The following ZEB1 variants were observed in gnomAD, a reference collection of about 807,000 sequenced individuals.
ZEB1 encodes zinc finger E-box binding homeobox 1.
Under a neutral mutation model 84.9 loss-of-function variants are expected in ZEB1, and 21 were observed. The observed-to-expected ratio is 0.25, with a 90% CI of 0.18 to 0.36. The LOEUF (loss-of-function observed/expected upper bound fraction) is 0.36. Ranked by LOEUF, ZEB1 falls within the 10% of genes least tolerant of loss-of-function variation. The pLI is 1.00. For missense variants in ZEB1, 1,104 were observed against 1,330.2 expected (o/e 0.83, Z 2.65); for synonymous variants, 420 against 471.1 (o/e 0.89, Z 1.41).
chr10:31,344,022 A>G (rs2039860648), intron 1 of ZEB1, among the ~76,000 whole-genome samples: 1 of 152,046 alleles, frequency 6.6e-6, no homozygotes, highest in South Asian at 2.1e-4. Flanking sequence ...GGTGCAGGCT[A>G]AGTGTAGGTG....
At chr10:31,516,954 T>C (rs986775934) in intron 6 of ZEB1, among the ~76,000 whole-genome samples, 1 of 152,082 alleles carries the variant, frequency 6.6e-6, no homozygotes, top group African/African-American at 2.4e-5. Context: ...ATTCTTGAGA[T>C]AAGTACAGAA....
chr10:31,465,021 A>G (rs1374743440), intron 2 of ZEB1, among the ~76,000 whole-genome samples: 2 of 152,174 alleles, frequency 1.3e-5, no homozygotes, highest in Admixed American at 6.5e-5. Flanking sequence ...TGATAGCACA[A>G]TAGGGTGACT....
At chr10:31,406,691 G>C (rs1377874509) in intron 1 of ZEB1, among the ~76,000 whole-genome samples, 7 of 152,042 alleles carry the variant, frequency 4.6e-5, no homozygotes, top group African/African-American at 1.7e-4. Flanking sequence ...AAGCTCTTTA[G>C]TTTAATTACA....
intron 1 of ZEB1, among the ~76,000 whole-genome samples, chr10:31,377,202 G>A (rs1590555480): frequency 6.7e-6 from 1 of 148,238 alleles, no homozygotes; most frequent in East Asian, 2.0e-4. Context: ...TAGTTCTAAT[G>A]TAACCAGTCA....
At chr10:31,428,028 C>T (rs996629999) in intron 1 of ZEB1, among the ~76,000 whole-genome samples, 4 of 151,984 alleles carry the variant, frequency 2.6e-5, no homozygotes, top group Non-Finnish European at 4.4e-5. Flanking sequence ...CTCCTGGATT[C>T]GTTGATCTTT....
rs998916563 is a variant in ZEB1, at chr10:31,461,420, C to G, written c.259+183C>G. Reference sequence around the variant, plus strand: ...AAGCAGAATAAGCAAGTTATTTTGACCATATTTACAATGCATATAATGTAT... The same window carrying G: ...AAGCAGAATAAGCAAGTTATTTTGAGCATATTTACAATGCATATAATGTAT... On this transcript the variant is annotated intron_variant, in intron 2 of 8. Transcript: ENST00000424869. Among the ~76,000 whole-genome samples the G allele has an allele frequency of 3.3e-5, 5 of 152,102 alleles. 1 individual carries two copies. The highest frequency in any genetic ancestry group is 2.0e-4 in the Admixed American group (3 of 15,284).
Position 31,527,736 on chromosome 10 carries a change from A to G in ZEB1, c.*472A>G, listed in dbSNP as rs1050023742. 1.2e-5 allele frequency: 2 copies of G among 161,976 alleles called. No individual in the cohort carries two copies. The highest frequency in any genetic ancestry group is 2.4e-5 in the African/African-American group (1 of 41,484). 10.0% of individuals were successfully genotyped at this position (161,976 alleles called of 1,614,324 possible). ...TATGCTAAATCCGCTTCAGTATTTT[A>G]TTATGTTTTTTAAAATGTGAGAACT... On this transcript the variant is annotated 3_prime_UTR_variant, in exon 9 of 9. Coordinates refer to ENST00000424869, the MANE Select transcript of ZEB1 (RefSeq NM_001174096.2).
intron 1 of ZEB1, chr10:31,363,595 C>G: frequency 2.6e-6 from 4 of 1,521,036 alleles, no homozygotes; most frequent in Non-Finnish European, 3.5e-6. Context: ...CTCTTCTGCG[C>G]TCACCTCCGT....
At chr10:31,400,196 C>T (rs2051684535) in intron 1 of ZEB1, among the ~76,000 whole-genome samples, 1 of 151,864 alleles carries the variant, frequency 6.6e-6, no homozygotes, top group Non-Finnish European at 1.5e-5. Context: ...CTTTTTGTTT[C>T]CTTTGTTCAC....
intron 1 of ZEB1, among the ~76,000 whole-genome samples, chr10:31,344,152 G>C (rs1187526475): frequency 6.6e-6 from 1 of 151,864 alleles, no homozygotes; most frequent in Non-Finnish European, 1.5e-5. Context: ...CATTTGATCT[G>C]GTGTCTTTGG....
chr10:31,449,546 A>AT (rs1443451373), intron 1 of ZEB1, among the ~76,000 whole-genome samples: 7 of 151,716 alleles, frequency 4.6e-5, no homozygotes, highest in African/African-American at 1.7e-4. Flanking sequence ...TGGGGATCTG[A>AT]TTTTTTTCCA....
At chr10:31,448,998 G>A (rs1489555439) in intron 1 of ZEB1, among the ~76,000 whole-genome samples, 1 of 152,194 alleles carries the variant, frequency 6.6e-6, no homozygotes, top group Admixed American at 6.5e-5. Flanking sequence ...AATGGCGGGC[G>A]CCCCTCCCCC....
At chr10:31,504,222 T>C (rs1423587311) in intron 4 of ZEB1, among the ~76,000 whole-genome samples, 1 of 151,990 alleles carries the variant, frequency 6.6e-6, no homozygotes, top group Admixed American at 6.6e-5. Context: ...TGTGTCCTTT[T>C]CCTGGTGTAT....
chr10:31,447,885 T>C (rs1564899756), intron 1 of ZEB1, among the ~76,000 whole-genome samples: 1 of 152,220 alleles, frequency 6.6e-6, no homozygotes, highest in African/African-American at 2.4e-5. Context: ...CTGACAATTA[T>C]GTGTCTTGGA....
At chr10:31,470,005 G>C (rs1591605323) in intron 2 of ZEB1, among the ~76,000 whole-genome samples, 2 of 152,196 alleles carry the variant, frequency 1.3e-5, no homozygotes. Flanking sequence ...TGAGGGTCCT[G>C]TCTGTTAGAA....
intron 1 of ZEB1, among the ~76,000 whole-genome samples, chr10:31,350,295 A>G (rs959135907): frequency 3.3e-5 from 5 of 152,158 alleles, no homozygotes; most frequent in East Asian, 1.9e-4. Context: ...AAAGGTGGCA[A>G]AAATTCTGCA....
chr10:31,365,298 G>A (rs1043177889), intron 1 of ZEB1, among the ~76,000 whole-genome samples: 7 of 152,094 alleles, frequency 4.6e-5, no homozygotes, highest in Admixed American at 4.6e-4. Context: ...CACACATGAT[G>A]CCCTAAATAT....
chr10:31,478,365 T>C (rs187815512), intron 2 of ZEB1, among the ~76,000 whole-genome samples: 103 of 152,002 alleles, frequency 6.8e-4, no homozygotes, highest in African/African-American at 2.3e-3. Context: ...GATGTTGGCA[T>C]GGATGCAGAG....
At position 31,481,425 on chromosome 10, in the gene ZEB1, G is replaced by A. The variant is rs551876422; in HGVS notation, c.260-14351G>A. 5.9e-5 allele frequency among the ~76,000 whole-genome samples: 9 copies of A among 152,034 alleles called. No individual in the cohort carries two copies. In the South Asian group the frequency reaches 6.2e-4, roughly 11 times the overall value. The stretch of plus-strand genomic sequence containing the variant: ...ATTCTCCAGTAGAAGGTACTATGCC[G>A]CCTTGGAGAAATGGCTGATTCTATA... On this transcript the variant is annotated intron_variant, in intron 2 of 8. Transcript: ENST00000424869.
Sources: gnomAD v4.1 joint callset for allele counts (sites outside exome capture counted in the v4.1 genomes callset) on GRCh38, gnomAD v4.1.1 for gene constraint, MANE v1.5 for transcripts, NCBI Gene and HGNC (gene_info 2026-07-23, HGNC 2026-07-21) for gene names.